The following RBFOX1 variants were observed in gnomAD, a reference collection of about 807,000 sequenced individuals.
The protein encoded by RBFOX1 is RNA binding protein fox-1 homolog 1.
A neutral mutation model predicts 57.7 loss-of-function variants in RBFOX1; 8 were observed. The ratio of observed to expected loss-of-function variants is 0.14; its 90% confidence interval spans 0.08 to 0.25. RBFOX1 has a LOEUF of 0.25. Among genes scored for constraint, RBFOX1 ranks in the 10% least tolerant of loss-of-function variants. RBFOX1 has a pLI of 1.00. For missense variants in RBFOX1, 611 were observed against 548.5 expected (o/e 1.11, Z -1.14); for synonymous variants, 326 against 222.4 (o/e 1.47, Z -4.15).
chr16:6,947,199 G>A (rs1023423653), intron 3 of RBFOX1, among the ~76,000 whole-genome samples: 43 of 152,164 alleles, frequency 2.8e-4, no homozygotes, highest in African/African-American at 9.9e-4. Context: ...TGTGAAGGAT[G>A]CAGTTTATGG....
chr16:5,734,259 T>A (rs1431146111), intron 3 of RBFOX1, among the ~76,000 whole-genome samples: 1 of 151,988 alleles, frequency 6.6e-6, no homozygotes, highest in Non-Finnish European at 1.5e-5. Context: ...AGGCTAAGTG[T>A]TAGAGACCTG....
At chr16:6,558,064 C>T (rs1442674297) in intron 2 of RBFOX1, among the ~76,000 whole-genome samples, 1 of 152,080 alleles carries the variant, frequency 6.6e-6, no homozygotes. Flanking sequence ...TTTTTTAAGG[C>T]TCTCTATGTT....
chr16:7,415,265 T>C (rs576482401), intron 4 of RBFOX1, among the ~76,000 whole-genome samples: 1 of 152,342 alleles, frequency 6.6e-6, no homozygotes, highest in South Asian at 2.1e-4. Context: ...GCATCTGATA[T>C]GCATCCAATG....
chr16:7,448,310 T>G (rs1379308735), intron 4 of RBFOX1, among the ~76,000 whole-genome samples: 1 of 152,230 alleles, frequency 6.6e-6, no homozygotes, highest in Non-Finnish European at 1.5e-5. Flanking sequence ...CTGATGCTGC[T>G]AATAAAGACA....
chr16:7,641,441 G>A (rs142703752), intron 11 of RBFOX1, among the ~76,000 whole-genome samples: 9 of 152,174 alleles, frequency 5.9e-5, no homozygotes, highest in East Asian at 5.8e-4. Flanking sequence ...GGAGAACTTC[G>A]GAGCACTGTT....
chr16:5,622,119 A>G (rs530432128), intron 3 of RBFOX1, among the ~76,000 whole-genome samples: 3 of 152,144 alleles, frequency 2.0e-5, no homozygotes, highest in African/African-American at 4.8e-5. Flanking sequence ...CATGAATCAC[A>G]TTTTCCCCAA....
intron 4 of RBFOX1, among the ~76,000 whole-genome samples, chr16:7,129,703 C>T (rs2069669654): frequency 6.6e-6 from 1 of 151,920 alleles, no homozygotes; most frequent in Non-Finnish European, 1.5e-5. Context: ...TTTCAAGTGC[C>T]TGGGAGCCCC....
Position 6,173,604 on chromosome 16 carries a change from C to CTTTTTTTTTTTTTTTTTTTTTTTTTTTTT in RBFOX1, c.-126-143368_-126-143367insTTTTTTTTTTTTTTTTTTTTTTTTTTTTT, listed in dbSNP as rs35528338. ...GTATGGAGTGGACACTGACCACTCC[C>CTTTTTTTTTTTTTTTTTTTTTTTTTTTTT]TTTTTTTTTTTTTTTTTTTTTTTGA... On this transcript the variant is annotated intron_variant, in intron 1 of 15. Coordinates refer to ENST00000550418, the MANE Select transcript of RBFOX1 (RefSeq NM_018723.4). Among the ~76,000 whole-genome samples the CTTTTTTTTTTTTTTTTTTTTTTTTTTTTT allele has an allele frequency of 8.5e-5, 6 of 70,948 alleles. 1 individual carries two copies. Among genetic ancestry groups the CTTTTTTTTTTTTTTTTTTTTTTTTTTTTT allele is most frequent in the Non-Finnish European group, 9.7e-5 (4 of 41,246 alleles). 46.5% of individuals were successfully genotyped at this position (70,948 alleles called of 152,430 possible).
intron 2 of RBFOX1, among the ~76,000 whole-genome samples, chr16:6,601,917 C>G (rs1416061435): frequency 6.6e-6 from 1 of 152,066 alleles, no homozygotes; most frequent in East Asian, 1.9e-4. Flanking sequence ...GGACAGTGAC[C>G]TTGACTAGTG....
intron 3 of RBFOX1, among the ~76,000 whole-genome samples, chr16:6,961,145 C>CACCCACACCCACACA (rs142889433): frequency 7.0e-6 from 1 of 143,658 alleles, no homozygotes; most frequent in African/African-American, 2.6e-5. Flanking sequence ...TCACACACAC[C>CACCCACACCCACACA]CACACAGACA....
At chr16:7,211,157 C>T (rs1355985214) in intron 4 of RBFOX1, among the ~76,000 whole-genome samples, 4 of 150,930 alleles carry the variant, frequency 2.7e-5, no homozygotes, top group South Asian at 2.1e-4. Flanking sequence ...TTTGGGAGGC[C>T]GAGGTGGGGG....
At chr16:6,457,945 G>C (rs185528100) in intron 2 of RBFOX1, among the ~76,000 whole-genome samples, 2 of 152,084 alleles carry the variant, frequency 1.3e-5, no homozygotes, top group Admixed American at 6.5e-5. Context: ...GGGTGACATG[G>C]TGGTCACGTA....
intron 3 of RBFOX1, among the ~76,000 whole-genome samples, chr16:6,706,711 CTTTT>C (rs33986994): frequency 7.0e-6 from 1 of 142,248 alleles, no homozygotes; most frequent in Non-Finnish European, 1.5e-5. Context: ...CAGCTGCAGT[CTTTT>C]TTTTTTTTTT....
chr16:7,587,383 T>G, intron 7 of RBFOX1, 83 bp downstream of exon 7: 1 of 1,296,590 alleles, frequency 7.7e-7, no homozygotes, highest in South Asian at 2.6e-5. Flanking sequence ...TGCACTGTCT[T>G]AATCAGCTCA....
intron 3 of RBFOX1, among the ~76,000 whole-genome samples, chr16:5,753,425 G>A (rs2053283942): frequency 1.3e-5 from 2 of 152,154 alleles, no homozygotes; most frequent in African/African-American, 4.8e-5. Context: ...AATTTTGGCT[G>A]CGTTTTTCAC....
chr16:5,799,645 C>T lies in RBFOX1; in HGVS notation c.319-67658C>T, dbSNP rs77134420. ...GGTGATTTTTGTCCAACTGTAGGCT[C>T]ATGTGTTCTGAGTGTGTTCAAGGTA... On this transcript the variant is annotated intron_variant, in intron 3 of 19. Transcript: ENST00000641259. Among the ~76,000 whole-genome samples, 12 of 152,216 alleles carry T rather than the reference C, an allele frequency of 7.9e-5. No homozygotes were observed. The East Asian group carries it at 1.9e-3, about 25-fold the overall frequency.
intron 3 of RBFOX1, among the ~76,000 whole-genome samples, chr16:6,969,550 C>G (rs777122896): frequency 6.6e-6 from 1 of 151,486 alleles, no homozygotes; most frequent in East Asian, 1.9e-4. Context: ...CACTGGGCAA[C>G]AAAATGAGAC....
chr16:5,319,154 A>AAACAAAC (rs1567328190), intron 1 of RBFOX1, among the ~76,000 whole-genome samples: 1 of 145,470 alleles, frequency 6.9e-6, no homozygotes, highest in Admixed American at 6.8e-5. Context: ...AACAAACAAA[A>AAACAAAC]AAACATAAAA....
intron 1 of RBFOX1, among the ~76,000 whole-genome samples, chr16:6,150,253 TG>T (rs1439527025): frequency 2.6e-5 from 4 of 152,276 alleles, no homozygotes; most frequent in Admixed American, 2.6e-4. Context: ...TCCTCAATTT[TG>T]GATTAACAGA....
Sources: gnomAD v4.1 joint callset for allele counts (sites outside exome capture counted in the v4.1 genomes callset) on GRCh38, gnomAD v4.1.1 for gene constraint, MANE v1.5 for transcripts, NCBI Gene and HGNC (gene_info 2026-07-23, HGNC 2026-07-21) for gene names.